The following TBX10 variants were observed in gnomAD, a reference collection of about 807,000 sequenced individuals.
TBX10 encodes the protein T-box transcription factor TBX10.
In TBX10, 26 loss-of-function variants were observed where a neutral mutation model predicts 32.4. That is an observed-to-expected ratio of 0.80 (90% CI 0.59 to 1.11). TBX10 has a LOEUF of 1.11. TBX10 is among the 50% of genes most tolerant of loss of function. The pLI is 0.00. For missense variants in TBX10, 490 were observed against 494.5 expected (o/e 0.99, Z 0.09); for synonymous variants, 195 against 203.1 (o/e 0.96, Z 0.34).
Position 67,635,232 on chromosome 11 carries a change from T to C in TBX10, c.39A>G (p.Ala13=). ...AFLSAGLGIL[A]PSETYPLPTT... is the part of the protein sequence containing the mutation. ...TAGGTAGGGGGTAGGTCTCTGAGGGTGCAAGTATGCCGAGGCCAGCAGATA... is the reference window on the plus strand; with the variant it reads ...TAGGTAGGGGGTAGGTCTCTGAGGGCGCAAGTATGCCGAGGCCAGCAGATA... The change falls in exon 2 of 8, where the codon GCA becomes GCG. Residue 13 remains alanine, a synonymous_variant. Transcript: ENST00000335385. The C allele has an allele frequency of 6.2e-7, 1 of 1,613,512 alleles. No individual in the cohort carries two copies. Among genetic ancestry groups the C allele is most frequent in the South Asian group, 1.1e-5 (1 of 91,080 alleles).
chr11:67,634,994 ACCTG>A lies in TBX10; in HGVS notation c.273_275+1del. The stretch of plus-strand genomic sequence containing the variant: ...GCCTCACCCCGCCCCCGCTGCTCAC[ACCTG>A]CCTGCCTTGGTGACGATCATCTCAG... On this transcript the variant is annotated splice_donor_variant and coding_sequence_variant, in exon 2 of 8. Transcript: ENST00000335385. LOFTEE classifies it high-confidence loss of function. 1 of 1,613,292 alleles carries A rather than the reference ACCTG, an allele frequency of 6.2e-7. No individual in the cohort carries two copies. The highest frequency in any genetic ancestry group is 8.5e-7 in the Non-Finnish European group (1 of 1,179,984).
At chr11:67,637,116 G>GC (rs1855342608) in intron 1 of TBX10, among the ~76,000 whole-genome samples, 1 of 152,206 alleles carries the variant, frequency 6.6e-6, no homozygotes, top group Non-Finnish European at 1.5e-5. Context: ...CTACTCATAG[G>GC]CCGTACGTGG....
At chr11:67,637,879 A>T (rs535824775) in intron 1 of TBX10, among the ~76,000 whole-genome samples, 22 of 152,344 alleles carry the variant, frequency 1.4e-4, no homozygotes, top group African/African-American at 5.1e-4. Context: ...TTACAATGTG[A>T]ATGTAATTAA....
In TBX10 at chr11:67,634,339, G is replaced by A. The variant is rs1565234123; in HGVS notation, c.399C>T (p.Ala133=). Residue 133 remains alanine (A), a synonymous_variant, in exon 4 of 8, where the codon GCC becomes GCT. Coordinates refer to ENST00000335385, the MANE Select transcript of TBX10 (RefSeq NM_005995.5). ...KRYRYAFHSS[A]WLVAGKADPA... The stretch of plus-strand genomic sequence containing the variant: ...GGTCTGCCTTGCCCGCCACCAGCCA[G>A]GCCGAGCTGTGGAAGGCATACCTGG... 3.2e-5 allele frequency: 51 copies of A among 1,605,054 alleles called. No individual in the cohort carries two copies. Among genetic ancestry groups the A allele is most frequent in the Non-Finnish European group, 4.2e-5 (49 of 1,179,836 alleles).
Position 67,639,624 on chromosome 11 carries a change from T to C in TBX10, c.-152A>G. ...AAGCTGTAGTCTCTCGGCAGGACGG[T>C]CCTTGCCTCCTCGATCGCCCTTCGT... On this transcript the variant is annotated 5_prime_UTR_variant, in exon 1 of 8. Transcript: ENST00000335385. 1.0e-6 allele frequency: 1 copy of C among 997,630 alleles called. No individual in the cohort carries two copies. The highest frequency in any genetic ancestry group is 2.6e-5 in the East Asian group (1 of 38,422). 61.8% of individuals were successfully genotyped at this position (997,630 alleles called of 1,614,324 possible).
chr11:67,635,197 G>A lies in TBX10; in HGVS notation c.74C>T (p.Ser25Phe), dbSNP rs767221109. ...TGACCCCAGCCGGGGCTCCCAGCCAGAGCTGGTTGTAGGTAGGGGGTAGGT... is the reference window on the plus strand; with the variant it reads ...TGACCCCAGCCGGGGCTCCCAGCCAAAGCTGGTTGTAGGTAGGGGGTAGGT... Reference protein sequence around the residue: ...SETYPLPTTSSGWEPRLGSPF... With the variant: ...SETYPLPTTSFGWEPRLGSPF... The change falls in exon 2 of 8, where the codon TCT becomes TTT. Residue 25 changes from serine to phenylalanine, a missense_variant. This residue lies in a region of TBX10 where 307 missense variants were observed against 294.9 expected (regional missense o/e 1.04). Transcript: ENST00000335385. 33 of 1,613,778 alleles carry A rather than the reference G, an allele frequency of 2.0e-5. No homozygotes were observed. The Admixed American group carries it at 5.0e-4, about 24-fold the overall frequency.
In TBX10 at chr11:67,631,760, G is replaced by C. The variant is rs755019737; in HGVS notation, c.1003C>G (p.Pro335Ala). Residue 335 changes from proline to alanine, a missense_variant, in exon 8 of 8, where the codon CCG becomes GCG. Physicochemically the swap from Pro to Ala is conservative, Grantham distance 27. Coordinates refer to ENST00000335385, the MANE Select transcript of TBX10 (RefSeq NM_005995.5). ...GTCCTTGGGATCCCTAGGTGGCTCG[G>C]GGCTCCAGAGTACAGGCTCTGATAC... ...VTYQSLYSGA[P>A]SHLGIPRTRP... The C allele has an allele frequency of 1.9e-6, 3 of 1,607,576 alleles. No individual in the cohort carries two copies. In the South Asian group the frequency reaches 3.4e-5, roughly 18 times the overall value.
At chr11:67,641,496 C>T (rs1183536262), upstream of TBX10, among the ~76,000 whole-genome samples, 2 of 152,226 alleles carry the variant, frequency 1.3e-5, no homozygotes, top group East Asian at 3.9e-4. Flanking sequence ...GCCTGCTGGC[C>T]CCCTGCCCCC....
At chr11:67,631,936 C>A (rs369016268) in intron 7 of TBX10, 42 bp from the exon 8 acceptor site, 79 of 1,551,838 alleles carry the variant, frequency 5.1e-5, no homozygotes, top group Non-Finnish European at 6.6e-5. Flanking sequence ...CCCATCGCAT[C>A]CTCATCCCTC....
intron 3 of TBX10, among the ~76,000 whole-genome samples, 160 bp downstream of exon 3, chr11:67,634,656 G>A (rs1855295253): frequency 6.6e-6 from 1 of 152,174 alleles, no homozygotes; most frequent in Non-Finnish European, 1.5e-5. Flanking sequence ...GCTGCCTCCT[G>A]CCCTCAGGCT....
chr11:67,641,335 G>A (rs1324348787), upstream of TBX10, among the ~76,000 whole-genome samples: 2 of 152,166 alleles, frequency 1.3e-5, no homozygotes, highest in Admixed American at 1.3e-4. Context: ...GCAGACACAC[G>A]GATGAACTCA....
At chr11:67,632,249 C>A in intron 7 of TBX10, 69 bp downstream of exon 7, 1 of 1,569,686 alleles carries the variant, frequency 6.4e-7, no homozygotes, top group South Asian at 1.1e-5. Flanking sequence ...TCCTGGAGGT[C>A]CTGTCCCTTT....
chr11:67,639,393 T>TTACCCCCCCCCCCCCC, intron 1 of TBX10, 73 bp downstream of exon 1: 1 of 726,926 alleles, frequency 1.4e-6, no homozygotes, highest in Non-Finnish European at 2.5e-6. Context: ...CTGTCTTGGT[T>TTACCCCCCCCCCCCCC]CCCACCCTGC....
intron 6 of TBX10, 75 bp downstream of exon 6, chr11:67,632,528 A>G: frequency 1.3e-6 from 2 of 1,584,334 alleles, no homozygotes; most frequent in Non-Finnish European, 1.7e-6. Context: ...TGACCCTGAA[A>G]CAAGGGTCAG....
intron 1 of TBX10, among the ~76,000 whole-genome samples, chr11:67,637,097 CAT>C (rs1196948409): frequency 6.6e-6 from 1 of 152,128 alleles, no homozygotes; most frequent in Non-Finnish European, 1.5e-5. Context: ...GGACAAATAC[CAT>C]ATGATTCTAC....
chr11:67,641,357 C>T (rs988816808), upstream of TBX10, among the ~76,000 whole-genome samples: 1 of 152,236 alleles, frequency 6.6e-6, no homozygotes, highest in Non-Finnish European at 1.5e-5. Context: ...AGCCTGCTGA[C>T]TCGCCACATG....
Position 67,631,794 on chromosome 11 carries a change from C to A in TBX10, c.969G>T (p.Arg323Ser). ...PEVLLAPATY[R>S]PVTYQSLYSG... The stretch of plus-strand genomic sequence containing the variant: ...AGTACAGGCTCTGATACGTGACAGG[C>A]CTGTAGGTGGCCGGGGCCAGCAGGA... The change falls in exon 8 of 8, where the codon AGG becomes AGT. Residue 323 changes from arginine (R) to serine (S), a missense_variant. Arg to Ser is a moderately radical substitution (Grantham distance 110). Coordinates refer to ENST00000335385, the MANE Select transcript of TBX10 (RefSeq NM_005995.5). 6.3e-7 allele frequency: 1 copy of A among 1,596,968 alleles called. No homozygotes were observed. The highest frequency in any genetic ancestry group is 1.8e-5 in the Admixed American group (1 of 56,678).
chr11:67,639,642 C>A lies in TBX10; in HGVS notation c.-170G>T. On this transcript the variant is annotated 5_prime_UTR_variant, in exon 1 of 8. Transcript: ENST00000335385. ...AGGACGGTCCTTGCCTCCTCGATCG[C>A]CCTTCGTCCACGTCCTGAGGTCGTG... is the stretch of plus-strand genomic sequence containing the variant. The A allele has an allele frequency of 1.2e-6, 1 of 860,378 alleles. No individual in the cohort carries two copies. The highest frequency in any genetic ancestry group is 1.9e-6 in the Non-Finnish European group (1 of 531,734). The allele number at this position is 860,378 out of a possible 1,614,324, so 53.3% of individuals were successfully genotyped here.
In TBX10 at chr11:67,635,025, G is replaced by A; in HGVS notation, c.246C>T (p.Gly82=). 1.2e-6 allele frequency: 2 copies of A among 1,613,700 alleles called. No individual in the cohort carries two copies. Among genetic ancestry groups the A allele is most frequent in the Non-Finnish European group, 8.5e-7 (1 of 1,180,030 alleles). ...CTGCCTTGGTGACGATCATCTCAGT[G>A]CCCAGCTGGTTGAATTCCTCCCACA... ...KPLWEEFNQL[G]TEMIVTKAGR... The change falls in exon 2 of 8, where the codon GGC becomes GGT. Residue 82 remains glycine (G), a synonymous_variant. Coordinates refer to ENST00000335385, the MANE Select transcript of TBX10 (RefSeq NM_005995.5).
Sources: allele counts gnomAD v4.1 joint callset (sites outside exome capture counted in the v4.1 genomes callset), GRCh38; gene constraint gnomAD v4.1.1; regional missense constraint gnomAD v4.1.1; transcripts MANE v1.5; gene names NCBI Gene and HGNC (gene_info 2026-07-23, HGNC 2026-07-21).